The following DMD variants were observed in gnomAD, a reference collection of about 807,000 sequenced individuals.
DMD encodes dystrophin.
DMD carries 63 observed loss-of-function variants against 330.1 expected under a neutral mutation model. That is an observed-to-expected ratio of 0.19 (90% CI 0.16 to 0.24). The LOEUF (loss-of-function observed/expected upper bound fraction) is 0.24, where lower values mean the gene tolerates loss of function less well. Ranked by LOEUF, DMD falls within the 10% of genes least tolerant of loss-of-function variation. The pLI is 1.00. For synonymous variants in DMD, 1,223 were observed against 959.8 expected, an observed-to-expected ratio of 1.27 and a Z score of -5.07; for missense variants, 3,344 against 2,684.1, an observed-to-expected ratio of 1.25 and a Z score of -5.43.
At chrX:31,942,794 C>T (rs949225271) in intron 45 of DMD, among the ~76,000 whole-genome samples, 5 of 111,889 alleles carry the variant, frequency 4.5e-5, no homozygotes, top group African/African-American at 1.3e-4. Flanking sequence ...GTGATCGCAC[C>T]CTATCCTCAG....
At chrX:31,441,622 T>TATA (rs61163447) in intron 60 of DMD, among the ~76,000 whole-genome samples, 25,541 of 111,497 alleles carry the variant, frequency 0.23, 3,255 homozygotes, top group African/African-American at 0.48. Flanking sequence ...TTCATAGAAA[T>TATA]ATGTCTTTTT....
intron 51 of DMD, among the ~76,000 whole-genome samples, chrX:31,740,809 C>T (rs750302000): frequency 9.0e-5 from 10 of 111,579 alleles, no homozygotes; most frequent in Non-Finnish European, 1.7e-4. Context: ...AAGACAACAA[C>T]GAAGTTTGCT....
chrX:31,824,601 A>G (rs1227243850), intron 49 of DMD, among the ~76,000 whole-genome samples: 1 of 111,647 alleles, frequency 9.0e-6, no homozygotes. Context: ...GCTAAGAAAC[A>G]AGATTTATAG....
chrX:32,738,154 T>G (rs2068764656), intron 7 of DMD, among the ~76,000 whole-genome samples: 1 of 111,790 alleles, frequency 8.9e-6, no homozygotes, highest in Non-Finnish European at 1.9e-5. Flanking sequence ...TACCAGTGAC[T>G]TGGTTAGAAG....
chrX:32,853,293 A>T (rs747493277), intron 2 of DMD, among the ~76,000 whole-genome samples: 1 of 111,636 alleles, frequency 9.0e-6, no homozygotes, highest in Non-Finnish European at 1.9e-5. Flanking sequence ...AAGTACAGAC[A>T]AACACAAACT....
At chrX:32,654,657 T>G (rs1259377685) in intron 9 of DMD, among the ~76,000 whole-genome samples, 4 of 111,973 alleles carry the variant, frequency 3.6e-5, no homozygotes, top group African/African-American at 9.8e-5. Context: ...AGGATGATGC[T>G]TGCCTCATAA....
intron 12 of DMD, among the ~76,000 whole-genome samples, chrX:32,601,549 A>G (rs148863885): frequency 0.011 from 1,178 of 111,963 alleles, 15 homozygotes; most frequent in African/African-American, 0.037. Flanking sequence ...TGTTTTAAAA[A>G]TAAAGTAGAC....
chrX:32,365,970 A>G (rs1286713289), intron 34 of DMD, among the ~76,000 whole-genome samples: 3 of 111,536 alleles, frequency 2.7e-5, no homozygotes, highest in Non-Finnish European at 3.8e-5. Flanking sequence ...AACTGAAAAA[A>G]CTGCTTACTT....
intron 7 of DMD, among the ~76,000 whole-genome samples, chrX:32,795,782 T>TA (rs1002033245): frequency 1.8e-5 from 2 of 111,033 alleles, no homozygotes; most frequent in African/African-American, 6.6e-5. Flanking sequence ...ATAATCACAT[T>TA]AAAAATGGAC....
chrX:31,989,323 T>C (rs1459439970), intron 44 of DMD, among the ~76,000 whole-genome samples: 2 of 112,302 alleles, frequency 1.8e-5, no homozygotes, highest in Non-Finnish European at 3.8e-5. Flanking sequence ...AAGTAATTTG[T>C]TGAAGTTAAA....
chrX:32,213,012 A>C (rs1380089354), intron 44 of DMD, among the ~76,000 whole-genome samples: 2 of 112,147 alleles, frequency 1.8e-5, no homozygotes, highest in African/African-American at 6.5e-5. Context: ...CTCTTCTTTA[A>C]AGTGAAAAAA....
At chrX:32,082,409 TA>T (rs2096399544) in intron 44 of DMD, among the ~76,000 whole-genome samples, 1 of 107,834 alleles carries the variant, frequency 9.3e-6, no homozygotes, top group Non-Finnish European at 1.9e-5. Context: ...TCTATCTATC[TA>T]TCTATCTATC....
At chrX:32,700,291 T>C (rs1400527948) in intron 7 of DMD, among the ~76,000 whole-genome samples, 1 of 111,205 alleles carries the variant, frequency 9.0e-6, no homozygotes, top group Non-Finnish European at 1.9e-5. Context: ...ATCTGGAGGA[T>C]ATTAAGTGAA....
At chrX:32,076,383 C>CTTT (rs770728145) in intron 44 of DMD, among the ~76,000 whole-genome samples, 2 of 90,895 alleles carry the variant, frequency 2.2e-5, no homozygotes, top group African/African-American at 4.0e-5. Context: ...TTCTTTCTTT[C>CTTT]TTTTTTTTTT....
chrX:31,772,893 G>A (rs1474389060), intron 51 of DMD, among the ~76,000 whole-genome samples: 1 of 111,828 alleles, frequency 8.9e-6, no homozygotes, highest in Admixed American at 9.5e-5. Flanking sequence ...TACTCTGTAT[G>A]CTCTGTACTC....
chrX:32,134,343 T>G (rs1324943794), intron 44 of DMD, among the ~76,000 whole-genome samples: 1 of 111,530 alleles, frequency 9.0e-6, no homozygotes, highest in Non-Finnish European at 1.9e-5. Context: ...TCCAGAACTT[T>G]CAACTGCCCA....
At chrX:31,693,916 T>TA (rs2083280405) in intron 52 of DMD, among the ~76,000 whole-genome samples, 1 of 111,805 alleles carries the variant, frequency 8.9e-6, no homozygotes, top group African/African-American at 3.2e-5. Context: ...TAAAAAATCC[T>TA]AAAATTTGCA....
intron 19 of DMD, 89 bp downstream of exon 19, chrX:32,501,666 G>T: frequency 1.5e-6 from 1 of 659,020 alleles, no homozygotes; most frequent in Non-Finnish European, 2.4e-6. Context: ...TTTAACAAGT[G>T]CTTGTCTGAT....
chrX:31,658,765 T>G (rs1407114814), intron 53 of DMD, among the ~76,000 whole-genome samples: 2 of 112,483 alleles, frequency 1.8e-5, no homozygotes, highest in Non-Finnish European at 3.8e-5. Flanking sequence ...TCTTTGGCAA[T>G]TCAGTGTTTT....
Sources: allele counts gnomAD v4.1 joint callset (sites outside exome capture counted in the v4.1 genomes callset), GRCh38; gene constraint gnomAD v4.1.1; transcripts MANE v1.5; gene names NCBI Gene and HGNC (gene_info 2026-07-23, HGNC 2026-07-21).